Variants in CYTH3 observed in about 807,000 individuals in gnomAD.
CYTH3 encodes the protein cytohesin 3.
Under a neutral mutation model 55.1 loss-of-function variants are expected in CYTH3, and 23 were observed. The ratio of observed to expected loss-of-function variants is 0.42; its 90% CI spans 0.30 to 0.59. CYTH3 has a LOEUF of 0.59. Among genes scored for constraint, CYTH3 ranks in the 20% least tolerant of loss-of-function variants. The pLI is 0.20. For missense variants in CYTH3, 413 were observed against 524.8 expected (o/e 0.79, Z 2.08); for synonymous variants, 249 against 194.9 (o/e 1.28, Z -2.31).
intron 1 of CYTH3, among the ~76,000 whole-genome samples, chr7:6,229,998 G>C (rs1230607215): frequency 1.3e-5 from 2 of 151,984 alleles, no homozygotes; most frequent in Non-Finnish European, 2.9e-5. Context: ...GCCGGGTGTG[G>C]TGGTGCACAC....
At chr7:6,222,975 T>A (rs1779119828) in intron 1 of CYTH3, among the ~76,000 whole-genome samples, 1 of 152,220 alleles carries the variant, frequency 6.6e-6, no homozygotes. Context: ...TAAAGTGAAC[T>A]AAACACTTGC....
chr7:6,181,705 C>T (rs1481423768), intron 4 of CYTH3, among the ~76,000 whole-genome samples: 1 of 152,168 alleles, frequency 6.6e-6, no homozygotes, highest in Non-Finnish European at 1.5e-5. Context: ...TTCCTCTCCT[C>T]CACTTTCCAT....
At chr7:6,182,969 T>G (rs985316525) in intron 4 of CYTH3, among the ~76,000 whole-genome samples, 1 of 152,210 alleles carries the variant, frequency 6.6e-6, no homozygotes, top group African/African-American at 2.4e-5. Flanking sequence ...GAATGCTACT[T>G]GCTTCTGGTT....
intron 4 of CYTH3, 101 bp downstream of exon 4, chr7:6,186,949 G>A: frequency 1.7e-6 from 2 of 1,197,902 alleles, no homozygotes; most frequent in African/African-American, 1.5e-5. Context: ...TTTATGAGGT[G>A]ACAGGGCGGA....
chr7:6,196,791 T>A (rs1046286880), intron 1 of CYTH3, among the ~76,000 whole-genome samples: 1 of 152,122 alleles, frequency 6.6e-6, no homozygotes, highest in Non-Finnish European at 1.5e-5. Context: ...AAAAAGTATA[T>A]CTAATAGTAA....
chr7:6,210,324 A>G (rs1030974222), intron 1 of CYTH3, among the ~76,000 whole-genome samples: 2 of 152,248 alleles, frequency 1.3e-5, no homozygotes, highest in Non-Finnish European at 2.9e-5. Flanking sequence ...CAAAGCTACC[A>G]AATAATTCTC....
intron 11 of CYTH3, 42 bp from the exon 12 acceptor site, chr7:6,165,469 G>A: frequency 5.0e-6 from 8 of 1,609,156 alleles, no homozygotes; most frequent in Non-Finnish European, 6.8e-6. Context: ...GGGGGGCTTG[G>A]GGCAGGTTCC....
chr7:6,230,912 C>T (rs1779377680), intron 1 of CYTH3, among the ~76,000 whole-genome samples: 1 of 152,172 alleles, frequency 6.6e-6, no homozygotes, highest in African/African-American at 2.4e-5. Context: ...CTTACACAAT[C>T]TCAGGAAAAA....
At chr7:6,194,108 C>T (rs542599714) in intron 1 of CYTH3, among the ~76,000 whole-genome samples, 6 of 152,328 alleles carry the variant, frequency 3.9e-5, no homozygotes, top group Non-Finnish European at 5.9e-5. Flanking sequence ...TTTACTTCTT[C>T]CTTCCCAAAC....
At chr7:6,242,470 A>G (rs1779700646) in intron 1 of CYTH3, among the ~76,000 whole-genome samples, 2 of 147,730 alleles carry the variant, frequency 1.4e-5, no homozygotes, top group Admixed American at 1.4e-4. Context: ...TCCGCCTCCC[A>G]GGTTCAAGCG....
Position 6,171,332 on chromosome 7 carries a change from C to T in CYTH3, c.450-18G>A. ...AGAACTGCCTGTGGAGACACCAAAG[C>T]CATGGGAAGCCGCATCAGAACCAAC... On this transcript the variant is annotated intron_variant, in intron 6 of 12. Coordinates refer to ENST00000350796, the MANE Select transcript of CYTH3 (RefSeq NM_004227.4). This position sits in a 1 kb window ranked among gnomAD's most constrained non-coding sequence, Gnocchi z 6.7. The T allele has an allele frequency of 1.2e-6, 2 of 1,612,330 alleles. No homozygotes were observed. Among genetic ancestry groups the T allele is most frequent in the Middle Eastern group, 1.7e-4 (1 of 6,054 alleles).
At chr7:6,182,150 T>C (rs1030319858) in intron 4 of CYTH3, among the ~76,000 whole-genome samples, 1 of 151,972 alleles carries the variant, frequency 6.6e-6, no homozygotes, top group Non-Finnish European at 1.5e-5. Flanking sequence ...TGGGTTCAAG[T>C]GATTCTCCTG....
chr7:6,171,707 C>T lies in CYTH3; in HGVS notation c.450-393G>A, dbSNP rs1583736381. 7.9e-6 allele frequency: 2 copies of T among 252,266 alleles called. No homozygotes were observed. The highest frequency in any genetic ancestry group is 8.7e-5 in the East Asian group (1 of 11,470). 15.6% of individuals were successfully genotyped at this position (252,266 alleles called of 1,614,324 possible). ...CGGTCCTCCTTTCAGAACTCCCACACATAAGGCAGAGCCATAGCCCACAGG... is the reference window on the plus strand; with the variant it reads ...CGGTCCTCCTTTCAGAACTCCCACATATAAGGCAGAGCCATAGCCCACAGG... On this transcript the variant is annotated intron_variant, in intron 6 of 12. Coordinates refer to ENST00000350796, the MANE Select transcript of CYTH3 (RefSeq NM_004227.4). The surrounding 1 kb of genome is among the most constrained non-coding windows in gnomAD (Gnocchi z 6.7).
intron 4 of CYTH3, among the ~76,000 whole-genome samples, chr7:6,184,525 G>A (rs908222361): frequency 2.0e-5 from 3 of 152,174 alleles, no homozygotes; most frequent in African/African-American, 7.2e-5. Flanking sequence ...TAGGCATGAA[G>A]AAAAGTTTAC....
chr7:6,181,199 A>C (rs1783495204), intron 4 of CYTH3, among the ~76,000 whole-genome samples: 1 of 152,210 alleles, frequency 6.6e-6, no homozygotes. Flanking sequence ...ACTTAAAAAA[A>C]ATCTTTTAAA....
chr7:6,165,627 A>G lies in CYTH3; in HGVS notation c.901-11T>C, dbSNP rs200366889. 2 of 1,613,770 alleles carry G rather than the reference A, an allele frequency of 1.2e-6. No individual in the cohort carries two copies. The highest frequency in any genetic ancestry group is 2.7e-5 in the African/African-American group (2 of 75,018). On this transcript the variant is annotated splice_polypyrimidine_tract_variant and intron_variant, in intron 10 of 12. Transcript: ENST00000350796. Reference sequence around the variant, plus strand: ...CCTGGGCTCCTTATCCTACAAGAGGAAAGTACACGGCGGGGCTCACTGTGG... The same window carrying G: ...CCTGGGCTCCTTATCCTACAAGAGGGAAGTACACGGCGGGGCTCACTGTGG...
chr7:6,170,446 C>G lies in CYTH3; in HGVS notation c.823+89G>C. On this transcript the variant is annotated intron_variant, in intron 9 of 12. Coordinates refer to ENST00000350796, the MANE Select transcript of CYTH3 (RefSeq NM_004227.4). This position sits in a 1 kb window ranked among gnomAD's most constrained non-coding sequence, Gnocchi z 7.8. Reference sequence around the variant, plus strand: ...TAACGTCTCTGCCTGCGGTGGGGGGCATTCCTACGATGAGCCTGGGAGGAA... The same window carrying G: ...TAACGTCTCTGCCTGCGGTGGGGGGGATTCCTACGATGAGCCTGGGAGGAA... 1 of 1,187,506 alleles carries G rather than the reference C, an allele frequency of 8.4e-7. No individual in the cohort carries two copies. The highest frequency in any genetic ancestry group is 1.2e-6 in the Non-Finnish European group (1 of 832,456). The allele number at this position is 1,187,506 out of a possible 1,614,324, so 73.6% of individuals were successfully genotyped here.
chr7:6,264,261 A>G (rs918593781), intron 1 of CYTH3, among the ~76,000 whole-genome samples: 7 of 151,988 alleles, frequency 4.6e-5, no homozygotes, highest in Admixed American at 4.6e-4. Context: ...AGAAAAAAAA[A>G]CAAAAAGGAG....
At chr7:6,259,774 ATATATATATAATATATAT>A (rs1780260891) in intron 1 of CYTH3, among the ~76,000 whole-genome samples, 1 of 22,710 alleles carries the variant, frequency 4.4e-5, no homozygotes, top group African/African-American at 6.3e-4. Flanking sequence ...TATATATATT[ATATATATATAATATATAT>A]ATATATATAT....
Sources: gnomAD v4.1 joint callset for allele counts (sites outside exome capture counted in the v4.1 genomes callset) on GRCh38, gnomAD v4.1.1 for gene constraint, Gnocchi (gnomAD v3.1) non-coding constraint, MANE v1.5 for transcripts, NCBI Gene and HGNC (gene_info 2026-07-23, HGNC 2026-07-21) for gene names.